HS3ST4: variants seen among roughly 807,000 people sequenced by gnomAD.
HS3ST4 encodes the protein heparan sulfate glucosamine 3-O-sulfotransferase 4.
HS3ST4 carries 17 observed loss-of-function variants against 29.2 expected under a neutral mutation model. That is an observed-to-expected ratio of 0.58 (90% CI 0.40 to 0.87). The LOEUF (loss-of-function observed/expected upper bound fraction) is 0.87. Ranked by LOEUF, HS3ST4 falls within the 40% of genes least tolerant of loss-of-function variation. HS3ST4 has a pLI of 0.00. For missense variants in HS3ST4, 627 were observed against 634.5 expected (o/e 0.99, Z 0.13); for synonymous variants, 314 against 285.7 (o/e 1.10, Z -1.00).
At chr16:25,702,242 A>C (rs1011044269) in intron 1 of HS3ST4, among the ~76,000 whole-genome samples, 1 of 152,224 alleles carries the variant, frequency 6.6e-6, no homozygotes, top group Non-Finnish European at 1.5e-5. Flanking sequence ...CAATCCTCCT[A>C]TGAATCTATT....
intron 1 of HS3ST4, among the ~76,000 whole-genome samples, chr16:25,720,031 A>G (rs570373490): frequency 2.0e-5 from 3 of 152,218 alleles, no homozygotes; most frequent in Non-Finnish European, 4.4e-5. Context: ...GATAATAAAC[A>G]GGTAAATTTA....
intron 1 of HS3ST4, among the ~76,000 whole-genome samples, chr16:26,105,559 G>T (rs142226441): frequency 2.6e-5 from 4 of 152,138 alleles, no homozygotes; most frequent in Non-Finnish European, 4.4e-5. Context: ...CATCCCTACC[G>T]TGGAATCCAG....
intron 1 of HS3ST4, among the ~76,000 whole-genome samples, chr16:25,718,877 G>A (rs1966475064): frequency 6.6e-6 from 1 of 152,204 alleles, no homozygotes; most frequent in African/African-American, 2.4e-5. Context: ...GCTGATAAGA[G>A]AAGGGGGTTT....
intron 1 of HS3ST4, among the ~76,000 whole-genome samples, chr16:25,863,573 C>G (rs115860960): frequency 0.018 from 2,778 of 152,256 alleles, 82 homozygotes; most frequent in African/African-American, 0.063. Context: ...CTCTAAAAGC[C>G]TTATAGTTTT....
At chr16:26,064,110 T>A (rs2141772496) in intron 1 of HS3ST4, among the ~76,000 whole-genome samples, 1 of 152,268 alleles carries the variant, frequency 6.6e-6, no homozygotes, top group East Asian at 1.9e-4. Context: ...ATGTGCTGTC[T>A]GCATGTTGGG....
chr16:25,855,414 T>C (rs1263983861), intron 1 of HS3ST4, among the ~76,000 whole-genome samples: 1 of 152,192 alleles, frequency 6.6e-6, no homozygotes, highest in East Asian at 1.9e-4. Context: ...AATGCAAATT[T>C]TCTCCCATAA....
intron 1 of HS3ST4, among the ~76,000 whole-genome samples, chr16:26,107,139 G>A (rs1017997536): frequency 6.6e-6 from 1 of 152,050 alleles, no homozygotes; most frequent in Non-Finnish European, 1.5e-5. Flanking sequence ...AGCATGAAAA[G>A]GGCTTGGTGT....
intron 1 of HS3ST4, among the ~76,000 whole-genome samples, chr16:25,798,057 T>C (rs1393408081): frequency 6.6e-6 from 1 of 152,148 alleles, no homozygotes; most frequent in East Asian, 1.9e-4. Flanking sequence ...AGGAAATCAG[T>C]CTGTCAGTCT....
chr16:25,726,638 T>A (rs1191225910), intron 1 of HS3ST4, among the ~76,000 whole-genome samples: 1 of 152,130 alleles, frequency 6.6e-6, no homozygotes, highest in Non-Finnish European at 1.5e-5. Flanking sequence ...TATGCCCTTG[T>A]TCTCCCTGCC....
intron 1 of HS3ST4, among the ~76,000 whole-genome samples, chr16:26,014,966 A>G (rs557817397): frequency 6.6e-6 from 1 of 152,352 alleles, no homozygotes; most frequent in African/African-American, 2.4e-5. Context: ...GAGCTAATTG[A>G]ATACAGACCT....
intron 1 of HS3ST4, among the ~76,000 whole-genome samples, chr16:26,112,379 A>ATTT (rs1899143685): frequency 7.2e-5 from 5 of 68,966 alleles, no homozygotes; most frequent in East Asian, 3.6e-4. Flanking sequence ...AAGCCTCTAC[A>ATTT]TCTTTTTTTT....
intron 1 of HS3ST4, among the ~76,000 whole-genome samples, chr16:26,000,255 T>G (rs1969201417): frequency 6.6e-6 from 1 of 152,078 alleles, no homozygotes; most frequent in African/African-American, 2.4e-5. Flanking sequence ...TCATCACCTA[T>G]CTCTTCCTCT....
At position 25,756,320 on chromosome 16, in the gene HS3ST4, A is replaced by G. The variant is rs576481860; in HGVS notation, c.734+63169A>G. Among the ~76,000 whole-genome samples the G allele has an allele frequency of 2.0e-5, 3 of 152,120 alleles. No homozygotes were observed. The South Asian group carries it at 6.2e-4, about 32-fold the overall frequency. ...GTTTGATCAGTGGTTTAGTAAAATCACTCTGGTGGCAGTGAGGAGGGCTGC... is the reference window on the plus strand; with the variant it reads ...GTTTGATCAGTGGTTTAGTAAAATCGCTCTGGTGGCAGTGAGGAGGGCTGC... On this transcript the variant is annotated intron_variant, in intron 1 of 1. Transcript: ENST00000331351.
chr16:25,908,403 A>G (rs1345199625), intron 1 of HS3ST4, among the ~76,000 whole-genome samples: 1 of 152,230 alleles, frequency 6.6e-6, no homozygotes, highest in East Asian at 1.9e-4. Context: ...GGATTCACAG[A>G]GTAAGGAGAT....
chr16:26,021,936 A>G (rs1362532269), intron 1 of HS3ST4, among the ~76,000 whole-genome samples: 1 of 151,926 alleles, frequency 6.6e-6, no homozygotes, highest in African/African-American at 2.4e-5. Flanking sequence ...TGCTGGAATT[A>G]CAGGTGTGAG....
intron 1 of HS3ST4, among the ~76,000 whole-genome samples, chr16:25,743,375 G>A (rs1485003222): frequency 1.3e-5 from 2 of 152,150 alleles, no homozygotes; most frequent in East Asian, 3.8e-4. Flanking sequence ...TCAGAATAGT[G>A]TTATCACATA....
At chr16:26,054,275 A>AGAGAGAGAGAGC (rs1898380240) in intron 1 of HS3ST4, among the ~76,000 whole-genome samples, 1 of 146,288 alleles carries the variant, frequency 6.8e-6, no homozygotes, top group Non-Finnish European at 1.5e-5. Context: ...AGAGGGAGAG[A>AGAGAGAGAGAGC]GAGAGAGAGA....
At chr16:25,934,653 A>G (rs1968501265) in intron 1 of HS3ST4, among the ~76,000 whole-genome samples, 1 of 152,166 alleles carries the variant, frequency 6.6e-6, no homozygotes. Context: ...AGGAGACAGC[A>G]GAGTTTGTGA....
At chr16:26,060,851 A>G (rs1898466217) in intron 1 of HS3ST4, among the ~76,000 whole-genome samples, 1 of 152,228 alleles carries the variant, frequency 6.6e-6, no homozygotes, top group Non-Finnish European at 1.5e-5. Context: ...CTCATCAGTC[A>G]TTAATTACTG....
Sources: gnomAD v4.1 joint callset for allele counts (sites outside exome capture counted in the v4.1 genomes callset) on GRCh38, gnomAD v4.1.1 for gene constraint, MANE v1.5 for transcripts, NCBI Gene and HGNC (gene_info 2026-07-23, HGNC 2026-07-21) for gene names.